Variants in SSR1 observed in about 807,000 individuals in gnomAD.
The protein encoded by SSR1 is translocon-associated protein subunit alpha.
Under a neutral mutation model 36.1 loss-of-function variants are expected in SSR1, and 13 were observed. The observed-to-expected ratio is 0.36, with a 90% CI of 0.23 to 0.57. The LOEUF (loss-of-function observed/expected upper bound fraction) is 0.57, where lower values mean the gene tolerates loss of function less well. Ranked by LOEUF, SSR1 falls within the 20% of genes least tolerant of loss-of-function variation. SSR1 has a pLI of 0.81. For synonymous variants in SSR1, 113 were observed against 118.9 expected (o/e 0.95, Z 0.32); for missense variants, 291 against 338.5 (o/e 0.86, Z 1.10).
intron 7 of SSR1, 162 bp downstream of exon 7, chr6:7,295,230 A>T (rs1160471966): frequency 9.0e-7 from 1 of 1,111,160 alleles, no homozygotes; most frequent in East Asian, 2.6e-5. Flanking sequence ...CACTGAATAA[A>T]CCTTTAAGGT....
Position 7,297,936 on chromosome 6 carries a change from A to T in SSR1, c.686T>A (p.Leu229Gln). ...ATCCATAATTACCTTTCTAGATTCT[A>T]GGAGTTGATGAAGGCCAACAATAAC... ...LLVIVGLHQL[L>Q]ESRKRKRPIQ... is the part of the protein sequence containing the mutation. The change falls in exon 6 of 8, where the codon CTA becomes CAA. Residue 229 changes from leucine to glutamine, a missense_variant. Physicochemically the swap from Leu to Gln is moderately radical, Grantham distance 113. Coordinates refer to ENST00000244763, the MANE Select transcript of SSR1 (RefSeq NM_003144.5). The T allele has an allele frequency of 6.2e-7, 1 of 1,613,146 alleles. No homozygotes were observed. Among genetic ancestry groups the T allele is most frequent in the Non-Finnish European group, 8.5e-7 (1 of 1,179,426 alleles).
intron 2 of SSR1, among the ~76,000 whole-genome samples, chr6:7,304,289 G>A (rs190311905): frequency 1.3e-5 from 2 of 152,282 alleles, no homozygotes; most frequent in East Asian, 3.9e-4. Context: ...TAGCAGATAT[G>A]GCCTTGCAGA....
chr6:7,289,304 C>G lies in SSR1; in HGVS notation c.*560G>C, dbSNP rs772235895. On this transcript the variant is annotated 3_prime_UTR_variant, in exon 8 of 8. Transcript: ENST00000244763. ...AAGTTTTCTGAAGATGCGCATTAAACAGCAGCAAAATACTGAAACAATTCT... is the reference window on the plus strand; with the variant it reads ...AAGTTTTCTGAAGATGCGCATTAAAGAGCAGCAAAATACTGAAACAATTCT... 3.3e-5 allele frequency: 5 copies of G among 152,230 alleles called. No homozygotes were observed. The highest frequency in any genetic ancestry group is 2.6e-4 in the Admixed American group (4 of 15,270). The allele number at this position is 152,230 out of a possible 1,614,324, so 9.4% of individuals were successfully genotyped here.
intron 7 of SSR1, among the ~76,000 whole-genome samples, chr6:7,293,393 C>T (rs964085430): frequency 6.6e-6 from 1 of 151,904 alleles, no homozygotes; most frequent in African/African-American, 2.4e-5. Flanking sequence ...CATTCTTATG[C>T]CTCTGCGTCC....
chr6:7,306,968 G>T (rs972914840), intron 2 of SSR1, among the ~76,000 whole-genome samples: 1 of 136,832 alleles, frequency 7.3e-6, no homozygotes, highest in African/African-American at 2.8e-5. Context: ...AAAAAAAAAG[G>T]TTTGTCCTCA....
At position 7,313,130 on chromosome 6, in the gene SSR1, GGTCCAGT is replaced by G; in HGVS notation, c.-17_-11del. 6.2e-7 allele frequency: 1 copy of G among 1,600,008 alleles called. No homozygotes were observed. The highest frequency in any genetic ancestry group is 8.5e-7 in the Non-Finnish European group (1 of 1,173,118). The stretch of plus-strand genomic sequence containing the variant: ...GGGGGAGGAGTCTCATGGCGCTGCC[GGTCCAGT>G]GTCCAGTTTCCGTCGGCTAAGGCTC... On this transcript the variant is annotated 5_prime_UTR_variant, in exon 1 of 8. Coordinates refer to ENST00000244763, the MANE Select transcript of SSR1 (RefSeq NM_003144.5).
chr6:7,305,591 A>C (rs552647649), intron 2 of SSR1, among the ~76,000 whole-genome samples: 1 of 152,368 alleles, frequency 6.6e-6, no homozygotes, highest in East Asian at 1.9e-4. Flanking sequence ...AGGAGGATTA[A>C]TGCCTGACGT....
At chr6:7,305,054 A>G (rs1034412737) in intron 2 of SSR1, among the ~76,000 whole-genome samples, 1 of 152,254 alleles carries the variant, frequency 6.6e-6, no homozygotes, top group African/African-American at 2.4e-5. Context: ...ACCCATAAGT[A>G]GGAAAAGAGA....
intron 1 of SSR1, among the ~76,000 whole-genome samples, chr6:7,310,879 C>G (rs113944237): frequency 0.12 from 17,588 of 152,108 alleles, 1,368 homozygotes; most frequent in Non-Finnish European, 0.18. Context: ...CCACTGCACT[C>G]CAGCCTGGGC....
At chr6:7,303,704 G>T in intron 2 of SSR1, 67 bp from the exon 3 acceptor site, 3 of 1,334,846 alleles carry the variant, frequency 2.2e-6, no homozygotes, top group Non-Finnish European at 3.2e-6. Flanking sequence ...TAAAAATAAA[G>T]ATTTGGCCGG....
chr6:7,298,949 C>G (rs1390986042), intron 4 of SSR1, 126 bp from the exon 5 acceptor site: 2 of 687,944 alleles, frequency 2.9e-6, no homozygotes, highest in East Asian at 2.7e-5. Flanking sequence ...GAAGACTCAA[C>G]AAATTCATAT....
At chr6:7,307,259 C>T (rs1758089164) in intron 2 of SSR1, among the ~76,000 whole-genome samples, 1 of 152,212 alleles carries the variant, frequency 6.6e-6, no homozygotes, top group African/African-American at 2.4e-5. Context: ...ACACACAAGC[C>T]TACCCCTGCT....
At chr6:7,310,436 G>T (rs528184404) in intron 1 of SSR1, among the ~76,000 whole-genome samples, 70 of 152,158 alleles carry the variant, frequency 4.6e-4, no homozygotes, top group African/African-American at 1.7e-3. Context: ...ACTTCAAAAA[G>T]TGCCCAACAG....
At chr6:7,311,114 G>A (rs184762459) in intron 1 of SSR1, among the ~76,000 whole-genome samples, 6 of 152,144 alleles carry the variant, frequency 3.9e-5, no homozygotes, top group Admixed American at 3.9e-4. Flanking sequence ...GTAGCTTCAG[G>A]TTTGATAGCA....
intron 5 of SSR1, 168 bp downstream of exon 5, chr6:7,298,579 T>C (rs534866760): frequency 1.8e-6 from 1 of 561,896 alleles, no homozygotes; most frequent in African/African-American, 1.9e-5. Context: ...AATTTGACTT[T>C]TATAGTTATA....
intron 6 of SSR1, among the ~76,000 whole-genome samples, chr6:7,296,456 G>A (rs1251037809): frequency 2.0e-5 from 3 of 152,176 alleles, no homozygotes; most frequent in Non-Finnish European, 4.4e-5. Context: ...CTTTTAAAGA[G>A]AAAGAGCTTA....
intron 2 of SSR1, among the ~76,000 whole-genome samples, chr6:7,306,698 C>T (rs765741118): frequency 4.2e-4 from 64 of 151,156 alleles, no homozygotes; most frequent in Middle Eastern, 3.5e-3. Context: ...GGGCGGATCA[C>T]GAGGTCAGGA....
At position 7,289,247 on chromosome 6, in the gene SSR1, G is replaced by A. The variant is rs1331308640; in HGVS notation, c.*617C>T. 1 of 152,214 alleles carries A rather than the reference G, an allele frequency of 6.6e-6. No individual in the cohort carries two copies. Among genetic ancestry groups the A allele is most frequent in the African/African-American group, 2.4e-5 (1 of 41,452 alleles). The allele number at this position is 152,214 out of a possible 1,614,324, so 9.4% of individuals were successfully genotyped here. ...TTTCATGTTTCACAATTTGTTGCCA[G>A]AGAGATCCCCAAATTCCTTGAAGCC... On this transcript the variant is annotated 3_prime_UTR_variant, in exon 8 of 8. Transcript: ENST00000244763.
At position 7,301,568 on chromosome 6, in the gene SSR1, A is replaced by T; in HGVS notation, c.285T>A (p.Phe95Leu). 6.2e-7 allele frequency: 1 copy of T among 1,601,848 alleles called. No individual in the cohort carries two copies. The highest frequency in any genetic ancestry group is 1.1e-5 in the South Asian group (1 of 89,178). Residue 95 changes from phenylalanine (F) to leucine (L), a missense_variant, in exon 4 of 8, where the codon TTT becomes TTA. Phe to Leu is a conservative substitution (Grantham distance 22). Transcript: ENST00000244763. ...GGAACTTCACAATGTTATTTGCTGGAAAATCTGAGAAACAAAATAGAGACA... is the reference window on the plus strand; with the variant it reads ...GGAACTTCACAATGTTATTTGCTGGTAAATCTGAGAAACAAAATAGAGACA... Reference protein sequence around the residue: ...TTILFVKGEDFPANNIVKFLV... With the variant: ...TTILFVKGEDLPANNIVKFLV...
Sources: gnomAD v4.1 joint callset for allele counts (sites outside exome capture counted in the v4.1 genomes callset) on GRCh38, gnomAD v4.1.1 for gene constraint, MANE v1.5 for transcripts, NCBI Gene and HGNC (gene_info 2026-07-23, HGNC 2026-07-21) for gene names.